The following DGKK variants were observed in gnomAD, a reference collection of about 807,000 sequenced individuals.
DGKK encodes 142 kDa diacylglycerol kinase.
A neutral mutation model predicts 92.2 loss-of-function variants in DGKK; 35 were observed. That is an observed-to-expected ratio of 0.38 (90% CI 0.29 to 0.50). DGKK has a LOEUF of 0.50. DGKK is among the 20% of genes least tolerant of loss of function. The probability of loss-of-function intolerance (pLI) is 0.92; values close to 1 mark genes in which losing one functional copy is unlikely to be tolerated. For synonymous variants in DGKK, 368 were observed against 360.6 expected (o/e 1.02, Z -0.23); for missense variants, 910 against 992.2 (o/e 0.92, Z 1.11).
At chrX:50,384,063 C>CGCA (rs1304711323) in intron 17 of DGKK, 105 bp downstream of exon 17, 2 of 450,258 alleles carry the variant, frequency 4.4e-6, no homozygotes, top group Non-Finnish European at 7.0e-6. Flanking sequence ...GTAGGTGACA[C>CGCA]AGCTAGTAAG....
rs1425555392 is a variant in DGKK, at chrX:50,470,165, C to T, written c.514G>A (p.Glu172Lys). The T allele has an allele frequency of 8.3e-7, 1 of 1,210,936 alleles. No homozygotes were observed. Among genetic ancestry groups the T allele is most frequent in the African/African-American group, 1.7e-5 (1 of 57,514 alleles). ...APEFCPEAAPEFRPSPAPCLL... is the reference protein window; with the variant it reads ...APEFCPEAAPKFRPSPAPCLL... ...CATGGTGCTGGACTTGGACGGAACT[C>T]TGGAGCCGCCTCAGGGCAGAACTCT... The change falls in exon 1 of 28, where the codon GAG (glutamate) becomes AAG (lysine). Residue 172 changes from glutamate to lysine, a missense_variant. Transcript: ENST00000611977.
intron 1 of DGKK, among the ~76,000 whole-genome samples, chrX:50,440,091 C>A (rs1045383196): frequency 9.0e-6 from 1 of 111,451 alleles, no homozygotes; most frequent in African/African-American, 3.3e-5. Context: ...AAACATCGAG[C>A]CAATTTTTGA....
At chrX:50,469,639 C>T (rs1927001473) in intron 1 of DGKK, among the ~76,000 whole-genome samples, 2 of 112,908 alleles carry the variant, frequency 1.8e-5, no homozygotes, top group Non-Finnish European at 1.9e-5. Context: ...GTCCCACCGC[C>T]CCCACTCAAT....
chrX:50,416,663 T>C (rs782470485), intron 4 of DGKK, among the ~76,000 whole-genome samples: 4 of 111,900 alleles, frequency 3.6e-5, no homozygotes, highest in Admixed American at 9.4e-5. Context: ...AGGTTGGCCA[T>C]TGGTAGGATG....
intron 17 of DGKK, among the ~76,000 whole-genome samples, chrX:50,383,564 A>G (rs1002732763): frequency 8.9e-6 from 1 of 112,216 alleles, no homozygotes; most frequent in Non-Finnish European, 1.9e-5. Context: ...ATTCATTACC[A>G]TACTGACCTT....
intron 10 of DGKK, 84 bp downstream of exon 10, chrX:50,392,257 G>T (rs1288861514): frequency 7.1e-6 from 5 of 705,364 alleles, no homozygotes; most frequent in Non-Finnish European, 1.1e-5. Context: ...CAGGGAGGGC[G>T]AAGACTTGGG....
chrX:50,443,648 A>G (rs147763233), intron 1 of DGKK, among the ~76,000 whole-genome samples: 1,134 of 110,475 alleles, frequency 0.01, 16 homozygotes, highest in African/African-American at 0.036. Context: ...CAAGAGAATG[A>G]CATTGGTACA....
chrX:50,409,593 G>C (rs1925257182), intron 4 of DGKK, among the ~76,000 whole-genome samples: 1 of 112,059 alleles, frequency 8.9e-6, no homozygotes, highest in African/African-American at 3.2e-5. Context: ...AAATGCTAAA[G>C]AAAGTAGTTT....
chrX:50,402,836 C>T (rs1925044550), intron 7 of DGKK, among the ~76,000 whole-genome samples: 1 of 111,309 alleles, frequency 9.0e-6, no homozygotes, highest in Non-Finnish European at 1.9e-5. Context: ...TAGGCCTCAC[C>T]AATTAAGAAG....
At chrX:50,406,355 G>C (rs782202727) in intron 4 of DGKK, among the ~76,000 whole-genome samples, 4 of 111,827 alleles carry the variant, frequency 3.6e-5, no homozygotes, top group Non-Finnish European at 7.5e-5. Flanking sequence ...TATGTGTGGC[G>C]ATTGAACTGT....
chrX:50,376,799 C>T lies in DGKK; in HGVS notation c.3231G>A (p.Gln1077=). The T allele has an allele frequency of 8.3e-7, 1 of 1,205,560 alleles. No individual in the cohort carries two copies. The highest frequency in any genetic ancestry group is 1.1e-6 in the Non-Finnish European group (1 of 892,183). The part of the protein sequence containing the change: ...QESLSDEEYA[Q]MQHLARLAEN... Reference sequence around the variant, plus strand: ...CTGCAAGCCGAGCTAAGTGCTGCATCTGGGCATACTCCTCGTCAGAGAGGC... The same window carrying T: ...CTGCAAGCCGAGCTAAGTGCTGCATTTGGGCATACTCCTCGTCAGAGAGGC... The change falls in exon 23 of 28, where the codon CAG becomes CAA. Residue 1077 remains glutamine, a synonymous_variant. Coordinates refer to ENST00000611977, the MANE Select transcript of DGKK (RefSeq NM_001013742.4).
At chrX:50,388,221 C>A (rs1924597629) in intron 13 of DGKK, among the ~76,000 whole-genome samples, 1 of 111,925 alleles carries the variant, frequency 8.9e-6, no homozygotes, top group Non-Finnish European at 1.9e-5. Context: ...AGACGGAAAG[C>A]AAGGTGTCTA....
At chrX:50,469,528 G>T (rs1050512241) in intron 1 of DGKK, among the ~76,000 whole-genome samples, 3 of 112,077 alleles carry the variant, frequency 2.7e-5, no homozygotes, top group Non-Finnish European at 5.7e-5. Context: ...CGCCAGTTGC[G>T]CCCAGCTGAG....
intron 1 of DGKK, among the ~76,000 whole-genome samples, chrX:50,459,125 G>C (rs1926680677): frequency 9.0e-6 from 1 of 111,635 alleles, no homozygotes; most frequent in African/African-American, 3.3e-5. Flanking sequence ...ATTTAGGTTG[G>C]AAAAGCGATA....
At chrX:50,447,375 ATATATATAAT>A (rs1926366716) in intron 1 of DGKK, among the ~76,000 whole-genome samples, 3 of 18,075 alleles carry the variant, frequency 1.7e-4, no homozygotes, top group African/African-American at 1.3e-3. Context: ...TATATTATAT[ATATATATAAT>A]ATATATATAT....
chrX:50,408,218 T>G (rs1925208287), intron 4 of DGKK, among the ~76,000 whole-genome samples: 1 of 111,237 alleles, frequency 9.0e-6, no homozygotes, highest in Non-Finnish European at 1.9e-5. Context: ...CAGGGGCTTG[T>G]GGGGGGATTG....
At position 50,401,834 on chromosome X, in the gene DGKK, G is replaced by T. The variant is rs186112004; in HGVS notation, c.1309-695C>A. On this transcript the variant is annotated intron_variant, in intron 7 of 27. Transcript: ENST00000611977. ...TTCTTGTCTAGAAAACTCAGTTTTG[G>T]AGAAGCATCTAAAAGGCTAGAAATC... Among the ~76,000 whole-genome samples, 3 of 111,287 alleles carry T rather than the reference G, an allele frequency of 2.7e-5. No homozygotes were observed. In the East Asian group the frequency reaches 8.4e-4, roughly 31 times the overall value.
rs6614511 is a variant in DGKK, at chrX:50,456,494, A to T, written c.645+13540T>A. ...GATTAAATTCTGATTAACAGTTAAG[A>T]TTAGTGAAAAGGTTACCAAATGGTA... On this transcript the variant is annotated intron_variant, in intron 1 of 27. Coordinates refer to ENST00000611977, the MANE Select transcript of DGKK (RefSeq NM_001013742.4). 0.015 allele frequency among the ~76,000 whole-genome samples: 1,723 copies of T among 111,958 alleles called. 77 individuals are homozygous for T. In the East Asian group the frequency reaches 0.23, roughly 15 times the overall value.
chrX:50,392,191 T>C lies in DGKK; in HGVS notation c.1704+150A>G, dbSNP rs781882624. The C allele has an allele frequency of 1.4e-4, 63 of 440,130 alleles. 1 individual carries two copies. The highest frequency in any genetic ancestry group is 1.4e-3 in the African/African-American group (56 of 39,950). 36.3% of individuals were successfully genotyped at this position (440,130 alleles called of 1,213,427 possible). A position where few individuals can be genotyped will look rare whatever the true frequency, so the allele number is the denominator to read the frequency against. ...AACAGTGTAGATGAGTAGGCTTAGA[T>C]TGGGAATCTACCAGTCAGGCTGAAT... On this transcript the variant is annotated intron_variant, in intron 10 of 27. Transcript: ENST00000611977.
Sources: allele counts gnomAD v4.1 joint callset (sites outside exome capture counted in the v4.1 genomes callset), GRCh38; gene constraint gnomAD v4.1.1; transcripts MANE v1.5; gene names NCBI Gene and HGNC (gene_info 2026-07-23, HGNC 2026-07-21).